Variants in TLL1 observed in about 807,000 individuals in gnomAD.
TLL1 encodes the protein tolloid like 1.
Under a neutral mutation model 128.2 loss-of-function variants are expected in TLL1, and 49 were observed. The observed-to-expected ratio is 0.38, with a 90% CI of 0.30 to 0.48. The LOEUF (loss-of-function observed/expected upper bound fraction) is 0.48. Among genes scored for constraint, TLL1 ranks in the 20% least tolerant of loss-of-function variants. The pLI, the probability that TLL1 is intolerant of heterozygous loss-of-function variation, is 0.96. For missense variants in TLL1, 1,123 were observed against 1,242.0 expected (o/e 0.90, Z 1.44); for synonymous variants, 454 against 418.8 (o/e 1.08, Z -1.03).
intron 1 of TLL1, among the ~76,000 whole-genome samples, chr4:165,926,994 C>G (rs1417206767): frequency 6.6e-6 from 1 of 152,168 alleles, no homozygotes; most frequent in Non-Finnish European, 1.5e-5. Flanking sequence ...TGGCCATTGA[C>G]TATTTATGTT....
chr4:166,000,864 C>T (rs1171737353), intron 5 of TLL1, among the ~76,000 whole-genome samples: 1 of 152,090 alleles, frequency 6.6e-6, no homozygotes, highest in Non-Finnish European at 1.5e-5. Context: ...CCTCTTTTCA[C>T]CCACCAATCA....
chr4:165,941,724 T>G (rs777292739), intron 1 of TLL1, among the ~76,000 whole-genome samples: 1 of 152,106 alleles, frequency 6.6e-6, no homozygotes, highest in Non-Finnish European at 1.5e-5. Context: ...CACTCCCACA[T>G]ACAAGGACAA....
chr4:165,964,321 G>T (rs1286372890), intron 1 of TLL1, among the ~76,000 whole-genome samples: 1 of 152,160 alleles, frequency 6.6e-6, no homozygotes, highest in Non-Finnish European at 1.5e-5. Context: ...TTTGGTGCTA[G>T]TTACACATAG....
intron 1 of TLL1, among the ~76,000 whole-genome samples, chr4:165,966,747 A>C (rs1269560917): frequency 6.6e-6 from 1 of 152,182 alleles, no homozygotes; most frequent in Non-Finnish European, 1.5e-5. Context: ...GGTATGGGTC[A>C]CAGAGATCAC....
At chr4:166,070,041 T>C (rs962584024) in intron 16 of TLL1, among the ~76,000 whole-genome samples, 5 of 151,814 alleles carry the variant, frequency 3.3e-5, no homozygotes, top group Non-Finnish European at 2.9e-5. Flanking sequence ...GAGAATATAG[T>C]GCCATAGACA....
chr4:165,960,429 TGAA>T (rs1735038887), intron 1 of TLL1, among the ~76,000 whole-genome samples: 1 of 152,006 alleles, frequency 6.6e-6, no homozygotes, highest in African/African-American at 2.4e-5. Context: ...ATTCCAAAAG[TGAA>T]GGAGGAGGGA....
intron 9 of TLL1, among the ~76,000 whole-genome samples, chr4:166,027,347 G>A (rs187820443): frequency 1.3e-5 from 2 of 152,232 alleles, no homozygotes; most frequent in East Asian, 1.9e-4. Flanking sequence ...CTCATTAGCC[G>A]TGGTGGGAAT....
chr4:166,063,607 A>G (rs932012154), intron 15 of TLL1, among the ~76,000 whole-genome samples: 2 of 152,204 alleles, frequency 1.3e-5, no homozygotes, highest in Admixed American at 1.3e-4. Flanking sequence ...TCCATCAATG[A>G]TAGACTGGAT....
chr4:165,979,489 T>C (rs1027477708), intron 1 of TLL1, among the ~76,000 whole-genome samples: 9 of 152,096 alleles, frequency 5.9e-5, no homozygotes, highest in African/African-American at 2.2e-4. Flanking sequence ...CAGATACATA[T>C]GAGTTTGGAA....
At chr4:166,035,934 CA>C (rs1037875097) in intron 9 of TLL1, among the ~76,000 whole-genome samples, 3 of 151,526 alleles carry the variant, frequency 2.0e-5, no homozygotes, top group Non-Finnish European at 4.4e-5. Context: ...ATTTCTGAGG[CA>C]AAAAAAATAT....
At chr4:165,971,882 T>C (rs192551835) in intron 1 of TLL1, among the ~76,000 whole-genome samples, 121 of 152,324 alleles carry the variant, frequency 7.9e-4, no homozygotes, top group Admixed American at 7.9e-3. Flanking sequence ...TAATGTTAGC[T>C]CTCTGGGTTC....
intron 1 of TLL1, among the ~76,000 whole-genome samples, chr4:165,887,882 G>T (rs967416224): frequency 1.3e-5 from 2 of 151,802 alleles, no homozygotes; most frequent in Admixed American, 6.6e-5. Context: ...TTTTGATATA[G>T]ATTTATTCAT....
At chr4:165,999,117 A>C (rs1737030372) in intron 5 of TLL1, among the ~76,000 whole-genome samples, 3 of 152,116 alleles carry the variant, frequency 2.0e-5, no homozygotes, top group Admixed American at 2.0e-4. Flanking sequence ...AGGAAGTTCT[A>C]AACTTTTCCA....
chr4:166,026,865 C>T (rs980595873), intron 9 of TLL1, among the ~76,000 whole-genome samples: 2 of 152,094 alleles, frequency 1.3e-5, no homozygotes, highest in Non-Finnish European at 2.9e-5. Context: ...ATCTTTTGAA[C>T]ATTATATCAA....
chr4:165,891,722 T>C (rs565805747), intron 1 of TLL1, among the ~76,000 whole-genome samples: 24 of 152,194 alleles, frequency 1.6e-4, no homozygotes, highest in Admixed American at 4.6e-4. Context: ...TCAACGAGTC[T>C]CTAGGAAGTT....
At chr4:166,068,193 G>C (rs1029136067) in intron 16 of TLL1, among the ~76,000 whole-genome samples, 1 of 151,712 alleles carries the variant, frequency 6.6e-6, no homozygotes, top group African/African-American at 2.4e-5. Flanking sequence ...GTTTCTGTTA[G>C]TGGGAAAGAT....
intron 9 of TLL1, among the ~76,000 whole-genome samples, chr4:166,027,948 T>A (rs111740096): frequency 0.016 from 2,443 of 152,228 alleles, 70 homozygotes; most frequent in African/African-American, 0.055. Flanking sequence ...AGAAAAAATC[T>A]ATCATCTATT....
rs540311736 is a variant in TLL1 at position 165,888,083 on chromosome 4, G to A, written c.169+14010G>A. 7.9e-5 allele frequency among the ~76,000 whole-genome samples: 12 copies of A among 152,120 alleles called. No individual in the cohort carries two copies. The East Asian group carries it at 2.1e-3, about 27-fold the overall frequency. ...GCAATCAGATTATCTGCAAATAAAC[G>A]TGGTTTTATTTCTTCCTTTATAGTC... On this transcript the variant is annotated intron_variant, in intron 1 of 20. Coordinates refer to ENST00000061240, the MANE Select transcript of TLL1 (RefSeq NM_012464.5).
At chr4:165,888,480 T>G (rs1276147116) in intron 1 of TLL1, among the ~76,000 whole-genome samples, 2 of 152,178 alleles carry the variant, frequency 1.3e-5, no homozygotes, top group African/African-American at 4.8e-5. Context: ...GTTTATCAGT[T>G]TAATTGACTT....
Sources: allele counts gnomAD v4.1 joint callset (sites outside exome capture counted in the v4.1 genomes callset), GRCh38; gene constraint gnomAD v4.1.1; transcripts MANE v1.5; gene names NCBI Gene and HGNC (gene_info 2026-07-23, HGNC 2026-07-21).